CHIC1: variants seen among roughly 807,000 people sequenced by gnomAD.
The protein encoded by CHIC1 is cysteine rich hydrophobic domain 1.
Under a neutral mutation model 18.5 loss-of-function variants are expected in CHIC1, and 7 were observed. The ratio of observed to expected loss-of-function variants is 0.38; its 90% CI spans 0.22 to 0.71. CHIC1 has a LOEUF of 0.71. Among genes scored for constraint, CHIC1 ranks in the 30% least tolerant of loss-of-function variants. The pLI is 0.49. For missense variants in CHIC1, 159 were observed against 176.9 expected (o/e 0.90, Z 0.57); for synonymous variants, 77 against 73.5 (o/e 1.05, Z -0.25).
chrX:73,639,313 A>G (rs1316003106), intron 3 of CHIC1, among the ~76,000 whole-genome samples: 1 of 111,754 alleles, frequency 8.9e-6, no homozygotes, highest in Non-Finnish European at 1.9e-5. Flanking sequence ...GGCCACGTTT[A>G]TGTCTTCTTT....
chrX:73,658,248 G>GTTTTTTTTTTTTTTT (rs869309622), intron 3 of CHIC1, among the ~76,000 whole-genome samples: 1 of 16,715 alleles, frequency 6.0e-5, no homozygotes, highest in Non-Finnish European at 9.8e-5. Flanking sequence ...CTGGTCCTAG[G>GTTTTTTTTTTTTTTT]TTTTTTTTTT....
At chrX:73,653,943 C>T (rs1482884431) in intron 3 of CHIC1, among the ~76,000 whole-genome samples, 1 of 112,323 alleles carries the variant, frequency 8.9e-6, no homozygotes, top group East Asian at 2.8e-4. Context: ...AGATTGGTGA[C>T]ATCTTTAGGC....
chrX:73,584,626 C>T, intron 3 of CHIC1, 54 bp downstream of exon 3: 1 of 911,681 alleles, frequency 1.1e-6, no homozygotes, highest in Non-Finnish European at 1.5e-6. Context: ...TTATGGAAAA[C>T]TTACTATGTG....
At chrX:73,602,655 C>T (rs1403484700) in intron 3 of CHIC1, among the ~76,000 whole-genome samples, 1 of 108,577 alleles carries the variant, frequency 9.2e-6, no homozygotes, top group East Asian at 2.8e-4. Context: ...TTAGGTCTTC[C>T]GTTTAAGTCT....
chrX:73,608,786 CT>C (rs2057694335), intron 3 of CHIC1, among the ~76,000 whole-genome samples: 1 of 107,799 alleles, frequency 9.3e-6, no homozygotes, highest in African/African-American at 3.6e-5. Context: ...TTTGTGGATT[CT>C]TTAGGGATTT....
chrX:73,646,915 T>C (rs143782834), intron 3 of CHIC1, among the ~76,000 whole-genome samples: 17 of 112,558 alleles, frequency 1.5e-4, no homozygotes, highest in African/African-American at 3.9e-4. Flanking sequence ...TTTCCTATAG[T>C]AGTTTCATAG....
chrX:73,676,760 T>C lies in CHIC1; in HGVS notation c.508-2566T>C, dbSNP rs764100185. On this transcript the variant is annotated intron_variant, in intron 3 of 5. Transcript: ENST00000373502. ...CAAAGTCATTCTCTGTTCAGCTTTG[T>C]GCCATTGCTGGTGAGGAGCTGCGTT... Among the ~76,000 whole-genome samples, 5 of 112,348 alleles carry C rather than the reference T, an allele frequency of 4.5e-5. 1 individual carries two copies. The South Asian group carries it at 1.8e-3, about 42-fold the overall frequency.
intron 3 of CHIC1, among the ~76,000 whole-genome samples, chrX:73,677,555 C>G (rs1404305249): frequency 3.6e-5 from 4 of 112,331 alleles, no homozygotes; most frequent in African/African-American, 6.5e-5. Context: ...AGGATATAAT[C>G]TCCTGGTGTG....
At chrX:73,608,590 A>G (rs1016819697) in intron 3 of CHIC1, among the ~76,000 whole-genome samples, 2 of 107,797 alleles carry the variant, frequency 1.9e-5, no homozygotes, top group Non-Finnish European at 3.8e-5. Flanking sequence ...GTGGTTTTCT[A>G]TGTATCAGTG....
chrX:73,656,270 A>G (rs1441515257), intron 3 of CHIC1, among the ~76,000 whole-genome samples: 1 of 111,633 alleles, frequency 9.0e-6, no homozygotes, highest in African/African-American at 3.3e-5. Context: ...CCCTGATAAT[A>G]GTTTATTTTG....
intron 2 of CHIC1, among the ~76,000 whole-genome samples, chrX:73,579,506 A>G (rs1335653440): frequency 9.0e-6 from 1 of 110,609 alleles, no homozygotes; most frequent in African/African-American, 3.3e-5. Context: ...AAGAGAATAC[A>G]TTATTATTCT....
chrX:73,667,503 A>G (rs1174519925), intron 3 of CHIC1, among the ~76,000 whole-genome samples: 2 of 111,579 alleles, frequency 1.8e-5, no homozygotes, highest in Non-Finnish European at 3.8e-5. Flanking sequence ...TTTCCTTTCC[A>G]TATTTAGTGC....
At chrX:73,645,505 G>A (rs1416667856) in intron 3 of CHIC1, among the ~76,000 whole-genome samples, 1 of 112,044 alleles carries the variant, frequency 8.9e-6, no homozygotes, top group Non-Finnish European at 1.9e-5. Context: ...CATAACAGCT[G>A]TATTAATTTA....
chrX:73,608,396 T>C (rs1251043382), intron 3 of CHIC1, among the ~76,000 whole-genome samples: 14 of 108,538 alleles, frequency 1.3e-4, no homozygotes, highest in Non-Finnish European at 2.3e-4. Context: ...TATCTTGAGT[T>C]TTCCTGTGAA....
At chrX:73,579,882 T>G (rs114929261) in intron 2 of CHIC1, among the ~76,000 whole-genome samples, 1,614 of 110,609 alleles carry the variant, frequency 0.015, 30 homozygotes, top group African/African-American at 0.05. Flanking sequence ...GATGGCAAAT[T>G]CATTATTAAA....
At chrX:73,645,172 A>G (rs1433177918) in intron 3 of CHIC1, among the ~76,000 whole-genome samples, 2 of 112,672 alleles carry the variant, frequency 1.8e-5, no homozygotes, top group African/African-American at 3.2e-5. Flanking sequence ...CACAGTATCT[A>G]TCTGTGCCTG....
intron 3 of CHIC1, among the ~76,000 whole-genome samples, chrX:73,591,362 A>G (rs921464935): frequency 9.2e-6 from 1 of 108,672 alleles, no homozygotes; most frequent in Non-Finnish European, 1.9e-5. Flanking sequence ...TCTGGAGGAG[A>G]CTCTAGTGGG....
Position 73,685,324 on chromosome X carries a change from T to C in CHIC1, c.*4319T>C, listed in dbSNP as rs142510006. 2.5e-4 allele frequency: 28 copies of C among 111,739 alleles called. No homozygotes were observed. In the East Asian group the frequency reaches 7.9e-3, roughly 32 times the overall value. 9.2% of individuals were successfully genotyped at this position (111,739 alleles called of 1,213,427 possible). A position where few individuals can be genotyped will look rare whatever the true frequency, so the allele number is the denominator to read the frequency against. ...TAGGAACTGAGCACTGAGGTCTGTGTCCTTTGCCTGTGTAGAATCTGTCTA... is the reference window on the plus strand; with the variant it reads ...TAGGAACTGAGCACTGAGGTCTGTGCCCTTTGCCTGTGTAGAATCTGTCTA... On this transcript the variant is annotated 3_prime_UTR_variant, in exon 6 of 6. Transcript: ENST00000373502.
chrX:73,686,570 G>A lies in CHIC1; in HGVS notation c.*5565G>A, dbSNP rs1157849281. The A allele has an allele frequency of 9.0e-6, 1 of 111,423 alleles. No homozygotes were observed. The highest frequency in any genetic ancestry group is 9.6e-5 in the Admixed American group (1 of 10,447). The allele number at this position is 111,423 out of a possible 1,213,427, so 9.2% of individuals were successfully genotyped here. A position where few individuals can be genotyped will look rare whatever the true frequency, so the allele number is the denominator to read the frequency against. On this transcript the variant is annotated 3_prime_UTR_variant, in exon 6 of 6. Transcript: ENST00000373502. ...TCTTTTATTTCTTTGTTTTTATCTC[G>A]ACTTTTTATTTTCCATTTTTTCTAG... is the stretch of plus-strand genomic sequence containing the variant.
Sources: gnomAD v4.1 joint callset for allele counts (sites outside exome capture counted in the v4.1 genomes callset) on GRCh38, gnomAD v4.1.1 for gene constraint, MANE v1.5 for transcripts, NCBI Gene and HGNC (gene_info 2026-07-23, HGNC 2026-07-21) for gene names.